The following CHAT variants were observed in gnomAD, a reference collection of about 807,000 sequenced individuals.
CHAT encodes acetyl CoA:choline O-acetyltransferase.
A neutral mutation model predicts 76.9 loss-of-function variants in CHAT; 61 were observed. That is an observed-to-expected ratio of 0.79 (90% CI 0.65 to 0.98). The LOEUF (loss-of-function observed/expected upper bound fraction) is 0.98, where lower values mean the gene tolerates loss of function less well. Ranked by LOEUF, CHAT falls within the 50% of genes least tolerant of loss-of-function variation. The pLI, the probability that CHAT is intolerant of heterozygous loss-of-function variation, is 0.00. For synonymous variants in CHAT, 407 were observed against 397.4 expected (o/e 1.02, Z -0.29); for missense variants, 946 against 986.9 (o/e 0.96, Z 0.56).
chr10:49,665,675 G>A lies in CHAT; in HGVS notation c.*629G>A, dbSNP rs557466939. On this transcript the variant is annotated 3_prime_UTR_variant, in exon 15 of 15. Coordinates refer to ENST00000337653, the MANE Select transcript of CHAT (RefSeq NM_020549.5). ...GGCCCACAAACACATTTCTGCTTTC[G>A]TGCCCAGGGGCAGCCTTCTGTTGAG... Among the ~76,000 whole-genome samples the A allele has an allele frequency of 1.4e-4, 21 of 152,212 alleles. No homozygotes were observed. The highest frequency in any genetic ancestry group is 2.4e-4 in the Non-Finnish European group (16 of 68,002).
At chr10:49,643,063 C>T (rs1354745441) in intron 7 of CHAT, among the ~76,000 whole-genome samples, 1 of 152,144 alleles carries the variant, frequency 6.6e-6, no homozygotes, top group Non-Finnish European at 1.5e-5. Context: ...TATTATCATC[C>T]GTGTTTACAA....
chr10:49,622,016 G>A, intron 4 of CHAT, 81 bp from the exon 5 acceptor site: 1 of 1,499,496 alleles, frequency 6.7e-7, no homozygotes, highest in Non-Finnish European at 9.3e-7. Flanking sequence ...GAGGGAAGGA[G>A]GGAGGGGAGG....
chr10:49,642,836 C>T (rs184349623), intron 7 of CHAT, among the ~76,000 whole-genome samples: 1 of 152,374 alleles, frequency 6.6e-6, no homozygotes, highest in Non-Finnish European at 1.5e-5. Context: ...ATGGCCCCGG[C>T]TTGGCTGGCC....
chr10:49,620,735 C>T, intron 4 of CHAT, 122 bp downstream of exon 4: 2 of 786,614 alleles, frequency 2.5e-6, no homozygotes, highest in East Asian at 2.6e-5. Context: ...GGGTCAAATG[C>T]CCCGAGACAG....
rs942478925 is a variant in CHAT at position 49,652,013 on chromosome 10, G to A, written c.1634+7G>A. On this transcript the variant is annotated splice_region_variant and intron_variant, in intron 11 of 14. Coordinates refer to ENST00000337653, the MANE Select transcript of CHAT (RefSeq NM_020549.5). ...TCCAGCTGGCCTTCTACAGGTGAGT[G>A]AAGGTGGAGTGAGTCTGTACCCTGG... The A allele has an allele frequency of 7.4e-6, 12 of 1,614,070 alleles. No individual in the cohort carries two copies. In the East Asian group the frequency reaches 1.8e-4, roughly 24 times the overall value.
At chr10:49,618,968 G>C (rs959157154) in intron 2 of CHAT, among the ~76,000 whole-genome samples, 1 of 152,140 alleles carries the variant, frequency 6.6e-6, no homozygotes, top group Non-Finnish European at 1.5e-5. Flanking sequence ...GAGATTCGGA[G>C]AGGAAGGACA....
At chr10:49,633,451 G>T (rs930704509) in intron 7 of CHAT, among the ~76,000 whole-genome samples, 1 of 152,144 alleles carries the variant, frequency 6.6e-6, no homozygotes, top group African/African-American at 2.4e-5. Context: ...TCCTTTAGGG[G>T]TGGCCGGGGG....
chr10:49,644,162 G>T (rs931522850), intron 7 of CHAT, among the ~76,000 whole-genome samples: 1 of 152,230 alleles, frequency 6.6e-6, no homozygotes, highest in Non-Finnish European at 1.5e-5. Context: ...GGAGCTCAGG[G>T]AGGGCTGTCA....
At chr10:49,659,441 G>T (rs918123750) in intron 13 of CHAT, among the ~76,000 whole-genome samples, 1 of 152,124 alleles carries the variant, frequency 6.6e-6, no homozygotes, top group Non-Finnish European at 1.5e-5. Context: ...GTGCCCGCAG[G>T]ATGACAGTAA....
chr10:49,646,786 G>C, intron 8 of CHAT, 112 bp downstream of exon 8: 2 of 1,250,506 alleles, frequency 1.6e-6, no homozygotes, highest in African/African-American at 1.5e-5. Context: ...TGTCTGGCAG[G>C]CGCACTCACT....
rs114868688 is a variant in CHAT, at chr10:49,640,583, T to C, written c.1112-5922T>C. Among the ~76,000 whole-genome samples the C allele has an allele frequency of 1.9e-3, 288 of 152,238 alleles. 1 individual carries two copies. Among genetic ancestry groups the C allele is most frequent in the African/African-American group, 6.6e-3 (274 of 41,526 alleles). ...GGACGGAGGGCTGGTTATTGCTCAA[T>C]GGAGATAGAATTCTCAGCTTCCATC... On this transcript the variant is annotated intron_variant, in intron 7 of 14. Coordinates refer to ENST00000337653, the MANE Select transcript of CHAT (RefSeq NM_020549.5).
chr10:49,632,084 G>A (rs1401579419), intron 7 of CHAT, among the ~76,000 whole-genome samples: 1 of 152,176 alleles, frequency 6.6e-6, no homozygotes, highest in Non-Finnish European at 1.5e-5. Context: ...TGGGGTGCAT[G>A]AGTGTGGAGG....
chr10:49,642,477 C>G (rs1053452929), intron 7 of CHAT, among the ~76,000 whole-genome samples: 9 of 152,230 alleles, frequency 5.9e-5, no homozygotes, highest in Non-Finnish European at 1.2e-4. Context: ...CACATGATGG[C>G]AAGGCCTCAG....
Position 49,654,970 on chromosome 10 carries a change from T to C in CHAT, c.1635-125T>C, listed in dbSNP as rs537921803. On this transcript the variant is annotated intron_variant, in intron 11 of 14. Transcript: ENST00000337653. ...CTCTAGAATTCTATTAATATTAAAA[T>C]GAAATATTCTGCCAAGTCAAGTCAG... 11 of 1,031,874 alleles carry C rather than the reference T, an allele frequency of 1.1e-5. No individual in the cohort carries two copies. In the South Asian group the frequency reaches 1.4e-4, roughly 13 times the overall value. 63.9% of individuals were successfully genotyped at this position (1,031,874 alleles called of 1,614,324 possible).
intron 7 of CHAT, among the ~76,000 whole-genome samples, chr10:49,632,180 C>A (rs1416660393): frequency 1.3e-5 from 2 of 152,078 alleles, no homozygotes; most frequent in African/African-American, 4.8e-5. Flanking sequence ...GCAGTTGAGG[C>A]AAAGCTGGGC....
chr10:49,612,673 G>T, upstream of CHAT: 1 of 308,832 alleles, frequency 3.2e-6, no homozygotes. Flanking sequence ...TTGGGCCGCT[G>T]CACCGCGGCG....
intron 7 of CHAT, among the ~76,000 whole-genome samples, chr10:49,636,106 A>G (rs143940222): frequency 5.5e-4 from 83 of 152,194 alleles, no homozygotes; most frequent in African/African-American, 1.8e-3. Context: ...ACAAAACTCA[A>G]TTATAGTCTT....
chr10:49,620,943 T>A (rs1838685576), intron 4 of CHAT, among the ~76,000 whole-genome samples: 1 of 152,228 alleles, frequency 6.6e-6, no homozygotes, highest in South Asian at 2.1e-4. Context: ...CGCCAGTACT[T>A]GTCCCTGGGA....
At position 49,614,078 on chromosome 10, in the gene CHAT, T is replaced by G; in HGVS notation, c.-112T>G. The G allele has an allele frequency of 6.5e-7, 1 of 1,536,064 alleles. No individual in the cohort carries two copies. The highest frequency in any genetic ancestry group is 2.0e-5 in the Admixed American group (1 of 50,892). ...GCAGGAGGCATGGGCGGGACAGTGT[T>G]CTGTGCCCCCTTCTAGAGCCTAAAT... On this transcript the variant is annotated 5_prime_UTR_variant, in exon 1 of 15. Coordinates refer to ENST00000337653, the MANE Select transcript of CHAT (RefSeq NM_020549.5).
Sources: allele counts gnomAD v4.1 joint callset (sites outside exome capture counted in the v4.1 genomes callset), GRCh38; gene constraint gnomAD v4.1.1; transcripts MANE v1.5; gene names NCBI Gene and HGNC (gene_info 2026-07-23, HGNC 2026-07-21).